The following PRKCE variants were observed in gnomAD, a reference collection of about 807,000 sequenced individuals.
PRKCE encodes the protein protein kinase C epsilon, also known as protein kinase C epsilon type.
A neutral mutation model predicts 85.4 loss-of-function variants in PRKCE; 16 were observed. The observed-to-expected ratio is 0.19, with a 90% confidence interval of 0.13 to 0.28. The LOEUF (loss-of-function observed/expected upper bound fraction) is 0.28. Ranked by LOEUF, PRKCE falls within the 10% of genes least tolerant of loss-of-function variation. The pLI is 1.00. For missense variants in PRKCE, 573 were observed against 975.2 expected (o/e 0.59, Z 5.49); for synonymous variants, 388 against 371.5 (o/e 1.04, Z -0.51).
At chr2:45,772,087 C>G (rs1685382809) in intron 1 of PRKCE, among the ~76,000 whole-genome samples, 1 of 151,898 alleles carries the variant, frequency 6.6e-6, no homozygotes, top group African/African-American at 2.4e-5. Context: ...GTCAGAGAGA[C>G]TGAGTAGATT....
intron 1 of PRKCE, among the ~76,000 whole-genome samples, chr2:45,764,775 A>G (rs1684778838): frequency 6.6e-6 from 1 of 152,234 alleles, no homozygotes. Context: ...TTGAGCTTGG[A>G]AATTGCCATT....
At chr2:45,828,265 A>C (rs1285211936) in intron 1 of PRKCE, among the ~76,000 whole-genome samples, 2 of 152,230 alleles carry the variant, frequency 1.3e-5, no homozygotes, top group South Asian at 2.1e-4. Flanking sequence ...AAATCTGTTG[A>C]AAACTCTATT....
intron 1 of PRKCE, among the ~76,000 whole-genome samples, chr2:45,829,403 T>C (rs939311338): frequency 6.6e-6 from 1 of 152,030 alleles, no homozygotes; most frequent in African/African-American, 2.4e-5. Context: ...AGTTTTGGGG[T>C]TTTTGTTTGG....
intron 10 of PRKCE, among the ~76,000 whole-genome samples, chr2:46,082,652 G>A (rs1049621517): frequency 1.2e-4 from 18 of 152,194 alleles, no homozygotes; most frequent in Admixed American, 7.9e-4. Flanking sequence ...GCCCAGCCTC[G>A]TGGGATTCCA....
At chr2:46,044,993 C>A (rs1407735980) in intron 10 of PRKCE, among the ~76,000 whole-genome samples, 1 of 152,176 alleles carries the variant, frequency 6.6e-6, no homozygotes, top group African/African-American at 2.4e-5. Context: ...TTTTACAGAG[C>A]AGTATACATA....
chr2:45,902,553 G>A (rs776979967), intron 2 of PRKCE, among the ~76,000 whole-genome samples: 1 of 152,202 alleles, frequency 6.6e-6, no homozygotes, highest in Non-Finnish European at 1.5e-5. Context: ...AAGCTGTGCT[G>A]GGGAAAAGTC....
At chr2:46,146,600 T>C (rs1004519523) in intron 12 of PRKCE, among the ~76,000 whole-genome samples, 2 of 152,158 alleles carry the variant, frequency 1.3e-5, no homozygotes, top group Admixed American at 1.3e-4. Flanking sequence ...GGGGAGGGTA[T>C]TCCTGAAAAC....
At position 45,843,131 on chromosome 2, in the gene PRKCE, C is replaced by T. The variant is rs1046501778; in HGVS notation, c.412+68C>T. 9 of 1,320,262 alleles carry T rather than the reference C, an allele frequency of 6.8e-6. No individual in the cohort carries two copies. In the Admixed American group the frequency reaches 9.5e-5, roughly 14 times the overall value. 81.8% of individuals were successfully genotyped at this position (1,320,262 alleles called of 1,614,324 possible). On this transcript the variant is annotated intron_variant, in intron 2 of 14. Coordinates refer to ENST00000306156, the MANE Select transcript of PRKCE (RefSeq NM_005400.3). ...CCTTTGCCTTCTGGGTCTCTTCTTTCCCCCCCTTGGCCGGAACACATTATA... is the reference window on the plus strand; with the variant it reads ...CCTTTGCCTTCTGGGTCTCTTCTTTTCCCCCCTTGGCCGGAACACATTATA...
intron 13 of PRKCE, among the ~76,000 whole-genome samples, chr2:46,152,376 T>A (rs1676728083): frequency 6.6e-6 from 1 of 151,742 alleles, no homozygotes; most frequent in South Asian, 2.1e-4. Flanking sequence ...GTGACAAGAT[T>A]TCACCATGTT....
At chr2:46,160,656 A>G (rs372591253) in intron 14 of PRKCE, among the ~76,000 whole-genome samples, 1 of 152,152 alleles carries the variant, frequency 6.6e-6, no homozygotes, top group African/African-American at 2.4e-5. Flanking sequence ...GGTCCCAGGC[A>G]GGGAGGATTT....
chr2:46,163,707 A>T (rs1357096307), intron 14 of PRKCE, among the ~76,000 whole-genome samples: 3 of 123,684 alleles, frequency 2.4e-5, no homozygotes, highest in Non-Finnish European at 5.1e-5. Context: ...GCTGAGGCAC[A>T]CCCCAAAGAG....
intron 2 of PRKCE, among the ~76,000 whole-genome samples, chr2:45,865,362 G>A (rs994136607): frequency 6.6e-6 from 1 of 152,198 alleles, no homozygotes; most frequent in African/African-American, 2.4e-5. Flanking sequence ...ATCTCAGAGG[G>A]TAGGGCTTGG....
At chr2:45,844,937 T>C (rs1207790958) in intron 2 of PRKCE, among the ~76,000 whole-genome samples, 3 of 152,226 alleles carry the variant, frequency 2.0e-5, no homozygotes, top group Non-Finnish European at 4.4e-5. Flanking sequence ...GGCTAAATTC[T>C]GAGTCTATTT....
chr2:46,079,404 T>A (rs1668855118), intron 10 of PRKCE, among the ~76,000 whole-genome samples: 1 of 152,158 alleles, frequency 6.6e-6, no homozygotes, highest in Admixed American at 6.5e-5. Flanking sequence ...TTTCTAGCTC[T>A]TGAAAAACAT....
chr2:46,169,560 A>G (rs1287278863), intron 14 of PRKCE, among the ~76,000 whole-genome samples: 3 of 152,216 alleles, frequency 2.0e-5, no homozygotes, highest in Non-Finnish European at 4.4e-5. Context: ...TGGCTAGGCC[A>G]GGGAACTATG....
At chr2:46,105,465 C>A (rs1671630891) in intron 11 of PRKCE, among the ~76,000 whole-genome samples, 1 of 131,736 alleles carries the variant, frequency 7.6e-6, no homozygotes. Flanking sequence ...TTTTTTTTTT[C>A]ACAATAGTGC....
intron 2 of PRKCE, among the ~76,000 whole-genome samples, chr2:45,879,172 GA>G (rs1260782178): frequency 6.6e-6 from 1 of 152,198 alleles, no homozygotes; most frequent in Non-Finnish European, 1.5e-5. Flanking sequence ...AGAGAAGGGG[GA>G]AAGAGAAGAA....
chr2:45,899,815 T>C (rs912225389), intron 2 of PRKCE, among the ~76,000 whole-genome samples: 4 of 152,158 alleles, frequency 2.6e-5, no homozygotes, highest in African/African-American at 9.7e-5. Context: ...ACCAGGGCAG[T>C]GTGGAGAAAA....
intron 2 of PRKCE, among the ~76,000 whole-genome samples, chr2:45,957,208 A>G (rs1030265521): frequency 6.6e-6 from 1 of 152,162 alleles, no homozygotes; most frequent in African/African-American, 2.4e-5. Context: ...CCCAAACCCA[A>G]CGTCACAAAG....
Sources: allele counts gnomAD v4.1 joint callset (sites outside exome capture counted in the v4.1 genomes callset), GRCh38; gene constraint gnomAD v4.1.1; transcripts MANE v1.5; gene names NCBI Gene and HGNC (gene_info 2026-07-23, HGNC 2026-07-21).